The following FBXL8 variants were observed in gnomAD, a reference collection of about 807,000 sequenced individuals.
FBXL8 encodes F-box/LRR-repeat protein 8.
A neutral mutation model predicts 8.2 loss-of-function variants in FBXL8; 13 were observed. The observed-to-expected ratio is 1.58, with a 90% CI of 1.03 to 2.51. The LOEUF (loss-of-function observed/expected upper bound fraction) is 2.51, where lower values mean the gene tolerates loss of function less well. Among genes scored for constraint, FBXL8 ranks in the 30% most tolerant of loss-of-function variants. FBXL8 has a pLI of 0.00. For missense variants in FBXL8, 565 were observed against 540.4 expected (o/e 1.05, Z -0.45); for synonymous variants, 271 against 260.5 (o/e 1.04, Z -0.39).
At chr16:67,162,678 T>C in intron 2 of FBXL8, 170 bp from the exon 3 acceptor site, 2 of 869,716 alleles carry the variant, frequency 2.3e-6, no homozygotes, top group South Asian at 2.8e-5. Flanking sequence ...TCTAAAAGGA[T>C]AGGATGCGAG....
In FBXL8 at chr16:67,163,070, G is replaced by A. The variant is rs1597234042; in HGVS notation, c.375G>A (p.Glu125=). Residue 125 remains glutamate, a synonymous_variant, in exon 3 of 3, where the codon GAG becomes GAA. Coordinates refer to ENST00000258200, the MANE Select transcript of FBXL8 (RefSeq NM_018378.3). ...TCGACGCGGGCCGCGACGTCCTGGAGGCTGTGCACGCTGTATGCGGGGCGG... is the reference window on the plus strand; with the variant it reads ...TCGACGCGGGCCGCGACGTCCTGGAAGCTGTGCACGCTGTATGCGGGGCGG... ...PLFDAGRDVL[E]AVHAVCGAAS... The A allele has an allele frequency of 1.3e-6, 2 of 1,578,068 alleles. No individual in the cohort carries two copies.
chr16:67,161,657 A>G, intron 1 of FBXL8, 78 bp from the exon 2 acceptor site: 1 of 1,199,274 alleles, frequency 8.3e-7, no homozygotes, highest in Non-Finnish European at 1.1e-6. Flanking sequence ...TCAGGCCACA[A>G]GCATTTGTAC....
intron 1 of FBXL8, among the ~76,000 whole-genome samples, chr16:67,160,476 C>T (rs1446232787): frequency 6.6e-6 from 1 of 152,150 alleles, no homozygotes; most frequent in Admixed American, 6.5e-5. Flanking sequence ...TTTGGAAGGC[C>T]GAGGCAGGTG....
Position 67,163,691 on chromosome 16 carries a change from G to T in FBXL8, c.996G>T (p.Glu332Asp), listed in dbSNP as rs770364704. ...ELAARCAALR[E>D]VHCFCVVSHS... ...CGGCGCGCTGCGCGGCCCTGCGCGA[G>T]GTGCATTGTTTCTGCGTGGTGAGCC... The change falls in exon 3 of 3, where the codon GAG (glutamate) becomes GAT (aspartate). Residue 332 changes from glutamate (E) to aspartate (D), a missense_variant. Glu to Asp is a conservative substitution (Grantham distance 45). Coordinates refer to ENST00000258200, the MANE Select transcript of FBXL8 (RefSeq NM_018378.3). 1.3e-6 allele frequency: 2 copies of T among 1,590,268 alleles called. No homozygotes were observed. The highest frequency in any genetic ancestry group is 2.3e-5 in the East Asian group (1 of 44,010).
chr16:67,163,774 A>C lies in FBXL8; in HGVS notation c.1079A>C (p.Lys360Thr). The change falls in exon 3 of 3, where the codon AAG becomes ACG. Residue 360 changes from lysine (K) to threonine (T), a missense_variant. By Grantham distance (78) the Lys-to-Thr change is moderately conservative. Coordinates refer to ENST00000258200, the MANE Select transcript of FBXL8 (RefSeq NM_018378.3). The part of the protein sequence containing the change: ...HCPRLRTYTL[K>T]LTREPHPWRP... ...CCGCGCCTGCGCACCTATACCCTCA[A>C]GCTCACGCGCGAGCCGCATCCCTGG... The C allele has an allele frequency of 6.4e-7, 1 of 1,572,902 alleles. No individual in the cohort carries two copies. Among genetic ancestry groups the C allele is most frequent in the Non-Finnish European group, 8.6e-7 (1 of 1,169,362 alleles).
At position 67,162,837 on chromosome 16, in the gene FBXL8, T is replaced by C; in HGVS notation, c.153-11T>C. On this transcript the variant is annotated splice_polypyrimidine_tract_variant and intron_variant, in intron 2 of 2. Transcript: ENST00000258200. The stretch of plus-strand genomic sequence containing the variant: ...TCAGCTGAGGCCTTTTCTGCACGGC[T>C]CTAACCCAAGTTGCGAATGTGAGCT... The C allele has an allele frequency of 1.3e-6, 2 of 1,550,698 alleles. No homozygotes were observed. Among genetic ancestry groups the C allele is most frequent in the Non-Finnish European group, 1.7e-6 (2 of 1,146,970 alleles).
intron 1 of FBXL8, 37 bp downstream of exon 1, chr16:67,160,093 A>AC (rs1435361273): frequency 1.3e-5 from 2 of 152,100 alleles, no homozygotes; most frequent in Non-Finnish European, 2.9e-5. Flanking sequence ...CGGCAGGAAG[A>AC]CCCGACTTTG....
At chr16:67,162,808 G>A (rs926542009) in intron 2 of FBXL8, 40 bp from the exon 3 acceptor site, 6 of 1,548,750 alleles carry the variant, frequency 3.9e-6, no homozygotes, top group Non-Finnish European at 5.2e-6. Flanking sequence ...CTGGTCGCAG[G>A]GACTCAGCTG....
In FBXL8 at chr16:67,163,477, CG is replaced by C. The variant is rs1567666499; in HGVS notation, c.783del (p.Leu262CysfsTer6). 6.5e-7 allele frequency: 1 copy of C among 1,536,234 alleles called. No homozygotes were observed. The highest frequency in any genetic ancestry group is 1.2e-5 in the South Asian group (1 of 84,480). On this transcript the variant is annotated frameshift_variant, in exon 3 of 3. Transcript: ENST00000258200. LOFTEE classifies it low-confidence loss of function (END_TRUNC). ...GLAVELELEPALPAESVTRVL... is the reference protein window; with the variant it reads ...GLAVELELEPXLPAESVTRVL... ...GCAGTGGAGCTGGAGCTGGAGCCCG[CG>C]CTGCCCGCTGAGAGCGTGACGCGCG...
intron 1 of FBXL8, 149 bp from the exon 2 acceptor site, chr16:67,161,586 C>A: frequency 1.9e-6 from 1 of 536,162 alleles, no homozygotes; most frequent in South Asian, 3.3e-5. Context: ...GTGAAATCTG[C>A]TTTGTGAACA....
chr16:67,163,382 C>A lies in FBXL8; in HGVS notation c.687C>A (p.Pro229=). 6.5e-7 allele frequency: 1 copy of A among 1,541,736 alleles called. No homozygotes were observed. The highest frequency in any genetic ancestry group is 2.4e-5 in the East Asian group (1 of 41,328). The change falls in exon 3 of 3, where the codon CCC becomes CCA. Residue 229 remains proline, a synonymous_variant. Transcript: ENST00000258200. Reference sequence around the variant, plus strand: ...TCTTGGCTCTGCGGTGCGCGTGCCCCGAAGATGCACGCGCGTCCCCGCTGC... The same window carrying A: ...TCTTGGCTCTGCGGTGCGCGTGCCCAGAAGATGCACGCGCGTCCCCGCTGC... The part of the protein sequence containing the change: ...FALLALRCAC[P]EDARASPLPN...
At chr16:67,162,325 C>T in intron 2 of FBXL8, 1 of 470,214 alleles carries the variant, frequency 2.1e-6, no homozygotes, top group Non-Finnish European at 3.8e-6. Flanking sequence ...AACAGTTTAT[C>T]TCAAAATAAT....
chr16:67,160,534 A>C (rs1356471313), intron 1 of FBXL8, among the ~76,000 whole-genome samples: 3 of 152,096 alleles, frequency 2.0e-5, no homozygotes, highest in Non-Finnish European at 4.4e-5. Flanking sequence ...AATATGGTGA[A>C]ACCCCGTCTC....
In FBXL8 at chr16:67,163,002, C is replaced by A; in HGVS notation, c.307C>A (p.Leu103Met). Reference sequence around the variant, plus strand: ...GGTTCTGGCGGGCCGTGCCCCGGGGCTGCGAGGCCTGCGCCTGGAGTGCCG... The same window carrying A: ...GGTTCTGGCGGGCCGTGCCCCGGGGATGCGAGGCCTGCGCCTGGAGTGCCG... ...LMVLAGRAPGLRGLRLECRGE... is the reference protein window; with the variant it reads ...LMVLAGRAPGMRGLRLECRGE... Residue 103 changes from leucine (L) to methionine (M), a missense_variant, in exon 3 of 3, where the codon CTG (leucine) becomes ATG (methionine). Physicochemically the swap from Leu to Met is conservative, Grantham distance 15 (BLOSUM62 2). Transcript: ENST00000258200. 6.4e-7 allele frequency: 1 copy of A among 1,554,284 alleles called. No individual in the cohort carries two copies. The highest frequency in any genetic ancestry group is 8.7e-7 in the Non-Finnish European group (1 of 1,149,080).
intron 2 of FBXL8, chr16:67,162,373 C>T: frequency 3.5e-6 from 2 of 571,260 alleles, no homozygotes; most frequent in Non-Finnish European, 3.1e-6. Flanking sequence ...CTAGTATATA[C>T]CAACCATTGT....
At chr16:67,161,508 G>A (rs2030901080) in intron 1 of FBXL8, among the ~76,000 whole-genome samples, 1 of 151,982 alleles carries the variant, frequency 6.6e-6, no homozygotes, top group South Asian at 2.1e-4. Flanking sequence ...TGGAGTCACA[G>A]GGGCTTGTTG....
chr16:67,163,307 G>A lies in FBXL8; in HGVS notation c.612G>A (p.Ser204=), dbSNP rs775188589. The part of the protein sequence containing the change: ...RALGLHLASL[S]HAILEALAAP... The stretch of plus-strand genomic sequence containing the variant: ...TCGGCCTGCACCTAGCCAGTTTGTC[G>A]CACGCCATCCTCGAAGCACTGGCGG... The change falls in exon 3 of 3, where the codon TCG becomes TCA. Residue 204 remains serine, a synonymous_variant. Transcript: ENST00000258200. 1.3e-6 allele frequency: 2 copies of A among 1,575,598 alleles called. No individual in the cohort carries two copies. The highest frequency in any genetic ancestry group is 1.1e-5 in the South Asian group (1 of 87,694).
chr16:67,162,021 A>T, intron 2 of FBXL8, 84 bp downstream of exon 2: 2 of 1,410,426 alleles, frequency 1.4e-6, no homozygotes, highest in Non-Finnish European at 1.9e-6. Flanking sequence ...ATTCAGGTTG[A>T]CTCCCCCATA....
rs1243108016 is a variant in FBXL8, at chr16:67,162,884, T to A, written c.189T>A (p.Tyr63Ter). The change falls in exon 3 of 3, where the codon TAT becomes TAA. Residue 63 changes from tyrosine to a stop codon, truncating the protein, a stop_gained. Coordinates refer to ENST00000258200, the MANE Select transcript of FBXL8 (RefSeq NM_018378.3). LOFTEE classifies it low-confidence loss of function (END_TRUNC). ...AGCTGGAAGGCATGCTGCCACCTTA[T>A]CTGTCCGCCTGCCTCGACCACATTC... ...ECELEGMLPP[Y>*]LSACLDHIHN... 1 of 1,551,546 alleles carries A rather than the reference T, an allele frequency of 6.4e-7. No homozygotes were observed. The highest frequency in any genetic ancestry group is 2.0e-5 in the Admixed American group (1 of 51,036).
Sources: gnomAD v4.1 joint callset for allele counts (sites outside exome capture counted in the v4.1 genomes callset) on GRCh38, gnomAD v4.1.1 for gene constraint, MANE v1.5 for transcripts, NCBI Gene and HGNC (gene_info 2026-07-23, HGNC 2026-07-21) for gene names.